ERICH3: variants seen among roughly 807,000 people sequenced by gnomAD.
ERICH3 encodes glutamate rich 3.
In ERICH3, 126 loss-of-function variants were observed where a neutral mutation model predicts 131.1. The ratio of observed to expected loss-of-function variants is 0.96; its 90% confidence interval spans 0.83 to 1.11. ERICH3 has a LOEUF of 1.11. Ranked by LOEUF, ERICH3 falls within the 50% of genes most tolerant of loss-of-function variation. The pLI, the probability that ERICH3 is intolerant of heterozygous loss-of-function variation, is 0.00. For missense variants in ERICH3, 2,050 were observed against 1,810.7 expected, an observed-to-expected ratio of 1.13 and a Z score of -2.40; for synonymous variants, 695 against 644.6, an observed-to-expected ratio of 1.08 and a Z score of -1.18.
Position 74,572,965 on chromosome 1 carries a change from A to T in ERICH3, c.2745T>A (p.His915Gln). The T allele has an allele frequency of 6.2e-7, 1 of 1,614,018 alleles. No homozygotes were observed. ...CTCTCAGGGCTGCTACTTCATGAAG[A>T]TGCTCCAAGTTCAGGGCTGCTGCTT... ...ANEAAALNLEHLHEVAALREA... is the reference protein window; with the variant it reads ...ANEAAALNLEQLHEVAALREA... The change falls in exon 14 of 15, where the codon CAT becomes CAA. Residue 915 changes from histidine (H) to glutamine (Q), a missense_variant. Transcript: ENST00000326665.
intron 11 of ERICH3, among the ~76,000 whole-genome samples, chr1:74,598,271 G>A (rs866349277): frequency 2.6e-5 from 4 of 151,650 alleles, no homozygotes; most frequent in Admixed American, 1.3e-4. Context: ...TTATGGTCTC[G>A]CATTGAAAAG....
intron 12 of ERICH3, among the ~76,000 whole-genome samples, chr1:74,584,442 G>A (rs1411103001): frequency 6.6e-6 from 1 of 151,966 alleles, no homozygotes; most frequent in African/African-American, 2.4e-5. Context: ...CTGTCACACT[G>A]GCCTCATTTC....
At chr1:74,646,273 GA>G (rs1223012463) in intron 3 of ERICH3, among the ~76,000 whole-genome samples, 1 of 152,044 alleles carries the variant, frequency 6.6e-6, no homozygotes, top group African/African-American at 2.4e-5. Context: ...TATTTAAACA[GA>G]TGTCACCTTT....
chr1:74,624,292 A>G (rs1031700796), intron 7 of ERICH3: 1 of 152,192 alleles, frequency 6.6e-6, no homozygotes, highest in African/African-American at 2.4e-5. Flanking sequence ...TTGATACAAA[A>G]CCAGCCTGAC....
At position 74,606,625 on chromosome 1, in the gene ERICH3, C is replaced by G; in HGVS notation, c.1465G>C (p.Asp489His). Residue 489 changes from aspartate to histidine, a missense_variant, in exon 10 of 15, where the codon GAC becomes CAC. Asp to His is a moderately conservative substitution (Grantham distance 81). Transcript: ENST00000326665. ...GKPGQEVLED[D>H]QENTLKYEYE... ...CCATATTTTAAAGTATTTTCCTGGT[C>G]GTCTTCCAAGACTTCTTGTCCTGGT... 1.2e-6 allele frequency: 2 copies of G among 1,608,188 alleles called. No individual in the cohort carries two copies. Among genetic ancestry groups the G allele is most frequent in the Non-Finnish European group, 1.7e-6 (2 of 1,177,424 alleles).
chr1:74,589,416 T>A (rs1411261470), intron 12 of ERICH3: 8 of 581,182 alleles, frequency 1.4e-5, no homozygotes, highest in Admixed American at 3.1e-5. Context: ...ACAGGCTGGA[T>A]AGAAATTATC....
chr1:74,582,286 A>G (rs1440850334), intron 12 of ERICH3, among the ~76,000 whole-genome samples: 1 of 152,236 alleles, frequency 6.6e-6, no homozygotes, highest in South Asian at 2.1e-4. Flanking sequence ...CCTCTTTCTC[A>G]TGGGAAACAA....
intron 9 of ERICH3, among the ~76,000 whole-genome samples, chr1:74,608,585 A>G (rs966147753): frequency 1.1e-4 from 17 of 152,056 alleles, no homozygotes; most frequent in African/African-American, 4.1e-4. Context: ...AATTTTCCCA[A>G]CAAGCAAATA....
chr1:74,578,930 G>A (rs1040499469), intron 12 of ERICH3, among the ~76,000 whole-genome samples: 1 of 151,952 alleles, frequency 6.6e-6, no homozygotes, highest in South Asian at 2.1e-4. Context: ...ACGACAAACA[G>A]AAATGAAAAA....
At chr1:74,607,537 C>A (rs569977505) in intron 9 of ERICH3, among the ~76,000 whole-genome samples, 9 of 151,970 alleles carry the variant, frequency 5.9e-5, no homozygotes, top group Non-Finnish European at 8.8e-5. Flanking sequence ...GGAGTTTGTT[C>A]ACTTATTTTC....
intron 1 of ERICH3, among the ~76,000 whole-genome samples, chr1:74,650,350 A>G (rs1044866385): frequency 6.6e-6 from 1 of 152,128 alleles, no homozygotes; most frequent in Non-Finnish European, 1.5e-5. Flanking sequence ...GTTGAGCACT[A>G]TTTTCTGTTT....
At position 74,654,161 on chromosome 1, in the gene ERICH3, T is replaced by C. The variant is rs375473598; in HGVS notation, c.24-4846A>G. Among the ~76,000 whole-genome samples the C allele has an allele frequency of 2.0e-4, 31 of 152,234 alleles. 1 individual carries two copies. In the East Asian group the frequency reaches 2.9e-3, roughly 14 times the overall value. On this transcript the variant is annotated intron_variant, in intron 1 of 14. Transcript: ENST00000326665. Reference sequence around the variant, plus strand: ...AGTCTCTAAGAAGATGGAGGTTTTCTCTCGTTTCTGAGTCCTCACAAGAAT... The same window carrying C: ...AGTCTCTAAGAAGATGGAGGTTTTCCCTCGTTTCTGAGTCCTCACAAGAAT...
Position 74,667,917 on chromosome 1 carries a change from G to A in ERICH3, c.23+5580C>T, listed in dbSNP as rs116423125. Among the ~76,000 whole-genome samples the A allele has an allele frequency of 1.4e-3, 213 of 152,192 alleles. 1 individual carries two copies. Among genetic ancestry groups the A allele is most frequent in the Middle Eastern group, 6.8e-3 (2 of 294 alleles). On this transcript the variant is annotated intron_variant, in intron 1 of 14. Transcript: ENST00000326665. ...GGATTATGGAAGCACTTTCCCCCAC[G>A]CTGTTCTTGTGACAGTGAGGGAATT...
At chr1:74,623,105 C>T (rs1414600345) in intron 7 of ERICH3, 7 of 152,160 alleles carry the variant, frequency 4.6e-5, no homozygotes, top group Admixed American at 4.6e-4. Context: ...GTTTCTCGGC[C>T]CTTTCTGCTA....
At chr1:74,600,570 C>G (rs925703002) in intron 10 of ERICH3, among the ~76,000 whole-genome samples, 2 of 151,808 alleles carry the variant, frequency 1.3e-5, no homozygotes, top group African/African-American at 2.4e-5. Flanking sequence ...AAAATTTACA[C>G]AAAATAGAAT....
chr1:74,595,789 C>T (rs921485151), intron 11 of ERICH3, among the ~76,000 whole-genome samples: 2 of 151,992 alleles, frequency 1.3e-5, no homozygotes, highest in Non-Finnish European at 1.5e-5. Flanking sequence ...TGAAGTTATG[C>T]CTTCCTACTT....
intron 7 of ERICH3, among the ~76,000 whole-genome samples, chr1:74,631,456 T>C (rs1646335712): frequency 6.6e-6 from 1 of 152,088 alleles, no homozygotes; most frequent in African/African-American, 2.4e-5. Flanking sequence ...GATTTGGAAA[T>C]AGGTATTGGT....
chr1:74,637,212 G>T (rs1264886764), intron 5 of ERICH3, among the ~76,000 whole-genome samples: 3 of 152,000 alleles, frequency 2.0e-5, no homozygotes, highest in Non-Finnish European at 4.4e-5. Context: ...TGAAATTAGG[G>T]TCTTTCTTCT....
In ERICH3 at chr1:74,569,024, C is replaced by CA. The variant is rs1646905237; in HGVS notation, c.*1433dup. On this transcript the variant is annotated 3_prime_UTR_variant, in exon 15 of 15. Transcript: ENST00000326665. ...CTATCTGGTCCAGTGTATTTTTGAT[C>CA]ATTGAATGGCTCCATTACACATTAA... The CA allele has an allele frequency of 6.6e-6, 1 of 152,086 alleles. No individual in the cohort carries two copies. The highest frequency in any genetic ancestry group is 2.4e-5 in the African/African-American group (1 of 41,398). The allele number at this position is 152,086 out of a possible 1,614,324, so 9.4% of individuals were successfully genotyped here.
Sources: gnomAD v4.1 joint callset for allele counts (sites outside exome capture counted in the v4.1 genomes callset) on GRCh38, gnomAD v4.1.1 for gene constraint, MANE v1.5 for transcripts, NCBI Gene and HGNC (gene_info 2026-07-23, HGNC 2026-07-21) for gene names.